The following PTPN13 variants were observed in gnomAD, a reference collection of about 807,000 sequenced individuals.
PTPN13 encodes tyrosine-protein phosphatase non-receptor type 13.
In PTPN13, 191 loss-of-function variants were observed where a neutral mutation model predicts 284.0. The observed-to-expected ratio is 0.67, with a 90% CI of 0.60 to 0.76. PTPN13 has a LOEUF of 0.76. Ranked by LOEUF, PTPN13 falls within the 30% of genes least tolerant of loss-of-function variation. The probability of loss-of-function intolerance (pLI) is 0.00; values close to 1 mark genes in which losing one functional copy is unlikely to be tolerated. For synonymous variants in PTPN13, 986 were observed against 1,022.3 expected (o/e 0.96, Z 0.68); for missense variants, 2,797 against 2,939.9 (o/e 0.95, Z 1.12).
chr4:86,757,736 C>T (rs1054608601), intron 20 of PTPN13, among the ~76,000 whole-genome samples: 3 of 144,584 alleles, frequency 2.1e-5, no homozygotes, highest in African/African-American at 8.0e-5. Context: ...TACACTTATC[C>T]TGAGTAGCAA....
Position 86,774,510 on chromosome 4 carries a change from A to G in PTPN13, c.5487A>G (p.Lys1829=). The change falls in exon 33 of 48, where the codon AAA becomes AAG. Residue 1829 remains lysine (K), a synonymous_variant. Transcript: ENST00000411767. ...QDPAKSDGRL[K]PGDRLIKVND... is the part of the protein sequence containing the mutation. ...CAGCCAAAAGTGATGGAAGGCTAAA[A>G]CCTGGGGACCGGCTCATAAAGGTGA... 1 of 1,601,690 alleles carries G rather than the reference A, an allele frequency of 6.2e-7. No individual in the cohort carries two copies. The highest frequency in any genetic ancestry group is 1.3e-5 in the African/African-American group (1 of 74,860).
At chr4:86,755,247 A>G (rs912017756) in intron 20 of PTPN13, among the ~76,000 whole-genome samples, 1 of 152,038 alleles carries the variant, frequency 6.6e-6, no homozygotes, top group African/African-American at 2.4e-5. Flanking sequence ...GAAATTTGAA[A>G]GAAAAGATAA....
chr4:86,803,464 A>G (rs1223577300), intron 42 of PTPN13, among the ~76,000 whole-genome samples: 1 of 152,004 alleles, frequency 6.6e-6, no homozygotes, highest in Non-Finnish European at 1.5e-5. Context: ...CAGAGGGTGC[A>G]TGACTGTGGT....
intron 2 of PTPN13, among the ~76,000 whole-genome samples, chr4:86,639,441 T>C (rs1239402444): frequency 6.6e-6 from 1 of 152,082 alleles, no homozygotes; most frequent in African/African-American, 2.4e-5. Flanking sequence ...TGTCCAACAA[T>C]GATAGACTGG....
At position 86,771,554 on chromosome 4, in the gene PTPN13, G is replaced by A; in HGVS notation, c.5168+19G>A. ...AGGACAGGTATCATCAATATAATGT[G>A]AACCGCTCAAAGCAACTGGTTGTTG... On this transcript the variant is annotated intron_variant, in intron 31 of 47. Coordinates refer to ENST00000411767, the MANE Select transcript of PTPN13 (RefSeq NM_080683.3). The A allele has an allele frequency of 6.5e-7, 1 of 1,540,124 alleles. No individual in the cohort carries two copies. The highest frequency in any genetic ancestry group is 8.8e-7 in the Non-Finnish European group (1 of 1,139,500).
chr4:86,705,157 A>G (rs1459211035), intron 7 of PTPN13, among the ~76,000 whole-genome samples: 4 of 152,010 alleles, frequency 2.6e-5, no homozygotes, highest in Non-Finnish European at 5.9e-5. Context: ...AACACGGTGA[A>G]ACCCCATCTC....
At chr4:86,620,264 C>T (rs371563324) in intron 1 of PTPN13, among the ~76,000 whole-genome samples, 247 of 152,294 alleles carry the variant, frequency 1.6e-3, no homozygotes, top group African/African-American at 5.6e-3. Flanking sequence ...TTCCCCAGCT[C>T]AAGCAATCCT....
chr4:86,793,694 A>C (rs965235948), intron 40 of PTPN13, among the ~76,000 whole-genome samples: 1 of 152,248 alleles, frequency 6.6e-6, no homozygotes, highest in African/African-American at 2.4e-5. Context: ...CTCAGGATTA[A>C]TAAACTTACT....
At chr4:86,672,596 A>G in intron 3 of PTPN13, 53 bp downstream of exon 3, 1 of 1,384,424 alleles carries the variant, frequency 7.2e-7, no homozygotes, top group Non-Finnish European at 9.9e-7. Flanking sequence ...GATAGGTCAA[A>G]TAAAGACAAT....
chr4:86,705,307 C>T (rs572111096), intron 7 of PTPN13, among the ~76,000 whole-genome samples: 69 of 134,336 alleles, frequency 5.1e-4, no homozygotes, highest in Middle Eastern at 8.3e-3. Context: ...GCACTGCAGC[C>T]TGGGTGACAG....
chr4:86,728,582 C>T (rs1291919770), intron 10 of PTPN13, among the ~76,000 whole-genome samples: 3 of 130,278 alleles, frequency 2.3e-5, no homozygotes, highest in African/African-American at 8.4e-5. Context: ...CCTTCTTTGT[C>T]TCTTTTGATC....
intron 9 of PTPN13, among the ~76,000 whole-genome samples, chr4:86,721,710 T>G (rs987744305): frequency 3.3e-5 from 1 of 30,090 alleles, no homozygotes; most frequent in Non-Finnish European, 6.6e-5. Context: ...TCCCTCCCCC[T>G]CTCCCTCCCC....
chr4:86,681,919 T>A (rs1728936654), intron 3 of PTPN13, among the ~76,000 whole-genome samples: 1 of 150,872 alleles, frequency 6.6e-6, no homozygotes, highest in Admixed American at 6.6e-5. Flanking sequence ...ACAGAGTGAG[T>A]CTGTCTCAAA....
chr4:86,615,372 G>A (rs1310729810), intron 1 of PTPN13, among the ~76,000 whole-genome samples: 3 of 152,036 alleles, frequency 2.0e-5, no homozygotes, highest in Non-Finnish European at 4.4e-5. Flanking sequence ...CTGTATTTCT[G>A]CAAGCACAGG....
chr4:86,611,837 C>T (rs1578249233), intron 1 of PTPN13, among the ~76,000 whole-genome samples: 1 of 152,154 alleles, frequency 6.6e-6, no homozygotes, highest in East Asian at 1.9e-4. Context: ...AGATGGTCCC[C>T]TTTGAGTATT....
chr4:86,735,459 A>T (rs887771682), intron 14 of PTPN13, 135 bp from the exon 15 acceptor site: 13 of 897,916 alleles, frequency 1.4e-5, no homozygotes, highest in Non-Finnish European at 1.8e-5. Context: ...TTCTTCTAAA[A>T]CTCATTCCTC....
intron 2 of PTPN13, among the ~76,000 whole-genome samples, chr4:86,643,759 G>A (rs1724089703): frequency 2.6e-5 from 4 of 152,136 alleles, no homozygotes; most frequent in Non-Finnish European, 5.9e-5. Context: ...TTAGAGATAA[G>A]GAAACAGCCC....
At chr4:86,765,082 A>G (rs1739142915) in intron 25 of PTPN13, among the ~76,000 whole-genome samples, 1 of 152,226 alleles carries the variant, frequency 6.6e-6, no homozygotes. Flanking sequence ...TAAAGACTGT[A>G]TATTTCTGTA....
Position 86,763,035 on chromosome 4 carries a change from T to C in PTPN13, c.3862T>C (p.Ser1288Pro). The change falls in exon 24 of 48, where the codon TCC becomes CCC. Residue 1288 changes from serine (S) to proline (P), a missense_variant. Ser to Pro is a moderately conservative substitution (Grantham distance 74). Transcript: ENST00000411767. Reference sequence around the variant, plus strand: ...TGGCAGCCCTTCCCCATCTGTAATATCCAAAGCCACCGAGAAAGAGACTTT... The same window carrying C: ...TGGCAGCCCTTCCCCATCTGTAATACCCAAAGCCACCGAGAAAGAGACTTT... ...QHGSPSPSVI[S>P]KATEKETFTD... The C allele has an allele frequency of 6.2e-7, 1 of 1,606,984 alleles. No individual in the cohort carries two copies. Among genetic ancestry groups the C allele is most frequent in the South Asian group, 1.1e-5 (1 of 90,728 alleles).
Sources: gnomAD v4.1 joint callset for allele counts (sites outside exome capture counted in the v4.1 genomes callset) on GRCh38, gnomAD v4.1.1 for gene constraint, MANE v1.5 for transcripts, NCBI Gene and HGNC (gene_info 2026-07-23, HGNC 2026-07-21) for gene names.